The following SPATA20 variants were observed in gnomAD, a reference collection of about 807,000 sequenced individuals.
SPATA20 encodes the protein spermatogenesis associated 20.
A neutral mutation model predicts 98.9 loss-of-function variants in SPATA20; 74 were observed. That is an observed-to-expected ratio of 0.75 (90% CI 0.62 to 0.91). The LOEUF (loss-of-function observed/expected upper bound fraction) is 0.91. Ranked by LOEUF, SPATA20 falls within the 40% of genes least tolerant of loss-of-function variation. The pLI, the probability that SPATA20 is intolerant of heterozygous loss-of-function variation, is 0.00. For synonymous variants in SPATA20, 430 were observed against 440.5 expected, an observed-to-expected ratio of 0.98 and a Z score of 0.30; for missense variants, 1,016 against 1,069.8, an observed-to-expected ratio of 0.95 and a Z score of 0.70.
Position 50,554,166 on chromosome 17 carries a change from G to C in SPATA20, c.1958-85G>C, listed in dbSNP as rs538307643. 8 of 1,254,562 alleles carry C rather than the reference G, an allele frequency of 6.4e-6. No individual in the cohort carries two copies. The African/African-American group carries it at 9.0e-5, about 14-fold the overall frequency. The allele number at this position is 1,254,562 out of a possible 1,614,324, so 77.7% of individuals were successfully genotyped here. On this transcript the variant is annotated intron_variant, in intron 14 of 16. Coordinates refer to ENST00000006658, the MANE Select transcript of SPATA20 (RefSeq NM_022827.4). Reference sequence around the variant, plus strand: ...GCCTTTTCTCTGTCCCGTCCCCCAAGTGGCCCTGGATACAGTCCTGGGCAG... The same window carrying C: ...GCCTTTTCTCTGTCCCGTCCCCCAACTGGCCCTGGATACAGTCCTGGGCAG...
intron 15 of SPATA20, among the ~76,000 whole-genome samples, chr17:50,554,744 C>T (rs971221770): frequency 5.9e-5 from 9 of 151,934 alleles, no homozygotes; most frequent in African/African-American, 2.2e-4. Flanking sequence ...GTCTGTGCAC[C>T]TACCTTTGAG....
Position 50,555,652 on chromosome 17 carries a change from T to A in SPATA20, c.2399T>A (p.Leu800Gln), listed in dbSNP as rs528300299. 5 of 1,613,916 alleles carry A rather than the reference T, an allele frequency of 3.1e-6. No individual in the cohort carries two copies. The East Asian group carries it at 1.1e-4, about 36-fold the overall frequency. The part of the protein sequence containing the change: ...ITDPCELRKL[L>Q]HP The stretch of plus-strand genomic sequence containing the variant: ...GATCCCTGCGAATTACGAAAACTAC[T>A]ACATCCATGACTGCCCCAACCCCCT... Residue 800 changes from leucine (L) to glutamine (Q), a missense_variant, in exon 17 of 17, where the codon CTA becomes CAA. Physicochemically the swap from Leu to Gln is moderately radical, Grantham distance 113. Transcript: ENST00000006658.
chr17:50,548,403 C>G lies in SPATA20; in HGVS notation c.246C>G (p.Ile82Met). 1.2e-6 allele frequency: 2 copies of G among 1,614,044 alleles called. No homozygotes were observed. The highest frequency in any genetic ancestry group is 1.7e-6 in the Non-Finnish European group (2 of 1,179,974). The change falls in exon 3 of 17, where the codon ATC (isoleucine) becomes ATG (methionine). Residue 82 changes from isoleucine (I) to methionine (M), a missense_variant. Ile to Met is a conservative substitution (Grantham distance 10). Coordinates refer to ENST00000006658, the MANE Select transcript of SPATA20 (RefSeq NM_022827.4). ...CCCAGAGGGTCCCCAACCGCCTGAT[C>G]CACGAGAAGTCACCATACCTCCTAC... ...STPQRVPNRLIHEKSPYLLQH... is the reference protein window; with the variant it reads ...STPQRVPNRLMHEKSPYLLQH...
At chr17:50,550,465 A>G in intron 9 of SPATA20, 71 bp from the exon 10 acceptor site, 1 of 1,500,666 alleles carries the variant, frequency 6.7e-7, no homozygotes, top group South Asian at 1.1e-5. Context: ...GCCTCAGAGA[A>G]TGTTGCCACC....
At position 50,547,781 on chromosome 17, in the gene SPATA20, GA is replaced by G. The variant is rs775508784; in HGVS notation, c.125+15del. 1.3e-6 allele frequency: 1 copy of G among 791,816 alleles called. No homozygotes were observed. The highest frequency in any genetic ancestry group is 2.3e-6 in the Non-Finnish European group (1 of 428,274). 49.0% of individuals were successfully genotyped at this position (791,816 alleles called of 1,614,324 possible). On this transcript the variant is annotated intron_variant, in intron 2 of 16. Transcript: ENST00000006658. ...GAGTCCCAGCAGGTGGGCGCTGAGT[GA>G]GGGAGTCCCCATGTCTGGTTTCCTC...
Position 50,548,815 on chromosome 17 carries a change from T to A in SPATA20, c.367T>A (p.Tyr123Asn). 1.9e-6 allele frequency: 3 copies of A among 1,612,528 alleles called. No individual in the cohort carries two copies. The highest frequency in any genetic ancestry group is 2.7e-5 in the African/African-American group (2 of 75,024). ...CTCCCCATGGCCCTGTTCAGTCGGG[T>A]ACTCCACCTGCCACTGGTGCCACAT... ...ENKPIFLSVG[Y>N]STCHWCHMME... The change falls in exon 5 of 17, where the codon TAC (tyrosine) becomes AAC (asparagine). Residue 123 changes from tyrosine to asparagine, a missense_variant. Tyr to Asn is a moderately radical substitution (Grantham distance 143). Coordinates refer to ENST00000006658, the MANE Select transcript of SPATA20 (RefSeq NM_022827.4).
rs2035062347 is a variant in SPATA20 at position 50,554,380 on chromosome 17, T to C, written c.2087T>C (p.Met696Thr). 3 of 1,614,016 alleles carry C rather than the reference T, an allele frequency of 1.9e-6. No individual in the cohort carries two copies. The highest frequency in any genetic ancestry group is 1.3e-5 in the African/African-American group (1 of 74,930). Residue 696 changes from methionine to threonine, a missense_variant, in exon 15 of 17, where the codon ATG becomes ACG. Coordinates refer to ENST00000006658, the MANE Select transcript of SPATA20 (RefSeq NM_022827.4). ...CTATTGACCGCCTTTTCCGAGCGCA[T>C]GCGTCGTGTCCCGGTGGCGTTGCCC... ...VCLLTAFSER[M>T]RRVPVALPEM...
intron 14 of SPATA20, among the ~76,000 whole-genome samples, chr17:50,553,560 T>TC (rs2035049194): frequency 1.3e-4 from 1 of 7,422 alleles, no homozygotes; most frequent in Non-Finnish European, 2.0e-4. Context: ...GGAAGCCGTC[T>TC]TTTTTTTTTT....
rs1213422396 is a variant in SPATA20 at position 50,551,442 on chromosome 17, G to A, written c.1577-69G>A. 13 of 1,515,900 alleles carry A rather than the reference G, an allele frequency of 8.6e-6. No individual in the cohort carries two copies. The Admixed American group carries it at 2.1e-4, about 25-fold the overall frequency. 93.9% of individuals were successfully genotyped at this position (1,515,900 alleles called of 1,614,324 possible). On this transcript the variant is annotated intron_variant, in intron 12 of 16. Coordinates refer to ENST00000006658, the MANE Select transcript of SPATA20 (RefSeq NM_022827.4). Reference sequence around the variant, plus strand: ...CTCCAGGGAGGTGTTGGGGCCTAAGGTGATAGGGTGGACATGCCTGGAGGG... The same window carrying A: ...CTCCAGGGAGGTGTTGGGGCCTAAGATGATAGGGTGGACATGCCTGGAGGG...
rs1132414 is a variant in SPATA20 at position 50,550,731 on chromosome 17, A to G, written c.1197A>G (p.Glu399=). ...SHRSGGFYSA[E]DADSPPERGQ... ...AGTCCGGAGGCTTCTATAGCGCAGAAGATGCAGACTCGCCCCCAGAGCGGG... is the reference window on the plus strand; with the variant it reads ...AGTCCGGAGGCTTCTATAGCGCAGAGGATGCAGACTCGCCCCCAGAGCGGG... Residue 399 remains glutamate, a synonymous_variant, in exon 11 of 17, where the codon GAA becomes GAG. Transcript: ENST00000006658. The G allele has an allele frequency of 0.26, 413,661 of 1,613,106 alleles. 61,124 individuals are homozygous for G. The highest frequency in any genetic ancestry group is 0.63 in the African/African-American group (47,221 of 75,022).
rs2034927120 is a variant in SPATA20 at position 50,547,236 on chromosome 17, C to A, written c.28C>A (p.Arg10Ser). Residue 10 changes from arginine (R) to serine (S), a missense_variant, in exon 1 of 17, where the codon CGC (arginine) becomes AGC (serine). Coordinates refer to ENST00000006658, the MANE Select transcript of SPATA20 (RefSeq NM_022827.4). ...GCTGGGCGCGCGGGCCTGGTTGGGC[C>A]GCGTCCTTCTGCTGCCCCGCGCCGG... MLGARAWLG[R>S]VLLLPRAGAG... The A allele has an allele frequency of 5.0e-6, 7 of 1,407,814 alleles. No homozygotes were observed. Among genetic ancestry groups the A allele is most frequent in the Non-Finnish European group, 5.5e-6 (6 of 1,091,756 alleles). The allele number at this position is 1,407,814 out of a possible 1,614,324, so 87.2% of individuals were successfully genotyped here.
Position 50,550,870 on chromosome 17 carries a change from A to T in SPATA20, c.1336A>T (p.Met446Leu). ...GCCGCTGACCTCAGGCCAGCTCCTC[A>T]TGAAGCACTACGGCCTCACAGAGGC... ...TEPLTSGQLL[M>L]KHYGLTEAGN... Residue 446 changes from methionine to leucine, a missense_variant, in exon 11 of 17, where the codon ATG becomes TTG. Transcript: ENST00000006658. 1 of 1,613,106 alleles carries T rather than the reference A, an allele frequency of 6.2e-7. No homozygotes were observed. The highest frequency in any genetic ancestry group is 8.5e-7 in the Non-Finnish European group (1 of 1,180,022).
At chr17:50,548,722 G>A (rs987355757) in intron 4 of SPATA20, 88 bp from the exon 5 acceptor site, 41 of 1,589,200 alleles carry the variant, frequency 2.6e-5, no homozygotes, top group Non-Finnish European at 3.2e-5. Flanking sequence ...CTAGAGGCCA[G>A]GACGTCTTCC....
At chr17:50,548,768 C>T (rs2034957702) in intron 4 of SPATA20, 42 bp from the exon 5 acceptor site, 2 of 1,598,250 alleles carry the variant, frequency 1.3e-6, no homozygotes. Flanking sequence ...CTCCCTCTGA[C>T]CCGTTGCTGG....
In SPATA20 at chr17:50,550,589, G is replaced by GT. The variant is rs757705400; in HGVS notation, c.1152_1153insT (p.Ala385CysfsTer13). ...TGGCCAAAGGCATCCTGCAGTACGT[G>GT]GCTCGGAGCCTGAGCCACCGGGTGT... is the stretch of plus-strand genomic sequence containing the variant. On this transcript the variant is annotated frameshift_variant, in exon 10 of 17. Transcript: ENST00000006658. LOFTEE classifies it high-confidence loss of function. The GT allele has an allele frequency of 1.2e-6, 2 of 1,614,148 alleles. No homozygotes were observed. Among genetic ancestry groups the GT allele is most frequent in the Non-Finnish European group, 8.5e-7 (1 of 1,180,034 alleles).
Position 50,550,801 on chromosome 17 carries a change from G to A in SPATA20, c.1267G>A (p.Glu423Lys). 1.9e-6 allele frequency: 3 copies of A among 1,613,090 alleles called. No individual in the cohort carries two copies. ...EGAYYVWTVKEVQQLLPEPVL... is the reference protein window; with the variant it reads ...EGAYYVWTVKKVQQLLPEPVL... ...CGCCTACTATGTGTGGACGGTCAAA[G>A]AGGTTCAGCAGCTCCTCCCGGAGCC... The change falls in exon 11 of 17, where the codon GAG (glutamate) becomes AAG (lysine). Residue 423 changes from glutamate (E) to lysine (K), a missense_variant. By Grantham distance (56) the Glu-to-Lys change is moderately conservative. Coordinates refer to ENST00000006658, the MANE Select transcript of SPATA20 (RefSeq NM_022827.4).
At chr17:50,548,122 G>A in intron 2 of SPATA20, 161 bp from the exon 3 acceptor site, 7 of 1,501,582 alleles carry the variant, frequency 4.7e-6, no homozygotes, top group Non-Finnish European at 6.2e-6. Flanking sequence ...AAACATAAGG[G>A]GGAGCACAAA....
In SPATA20 at chr17:50,548,917, C is replaced by G. The variant is rs375012720; in HGVS notation, c.469C>G (p.Arg157Gly). The G allele has an allele frequency of 4.3e-6, 7 of 1,614,034 alleles. No individual in the cohort carries two copies. Among genetic ancestry groups the G allele is most frequent in the African/African-American group, 1.3e-5 (1 of 74,908 alleles). The change falls in exon 5 of 17, where the codon CGT becomes GGT. Residue 157 changes from arginine (R) to glycine (G), a missense_variant. Arg to Gly is a moderately radical substitution (Grantham distance 125, BLOSUM62 -2). Transcript: ENST00000006658. ...GGACTTTGTGAGTGTGAAGGTAGAC[C>G]GTGAGGAGCGGCCTGACGTGGACAA... is the stretch of plus-strand genomic sequence containing the variant. ...SEDFVSVKVD[R>G]EERPDVDKVY...
At chr17:50,551,246 C>T in intron 12 of SPATA20, 56 bp downstream of exon 12, 1 of 1,478,690 alleles carries the variant, frequency 6.8e-7, no homozygotes, top group Non-Finnish European at 9.2e-7. Flanking sequence ...TCACAAAGCC[C>T]CTGTCTTTCC....
Sources: gnomAD v4.1 joint callset for allele counts (sites outside exome capture counted in the v4.1 genomes callset) on GRCh38, gnomAD v4.1.1 for gene constraint, MANE v1.5 for transcripts, NCBI Gene and HGNC (gene_info 2026-07-23, HGNC 2026-07-21) for gene names.